Variants in PSMD13 observed in about 807,000 individuals in gnomAD.
The protein encoded by PSMD13 is 26S proteasome non-ATPase regulatory subunit 13.
In PSMD13, 8 loss-of-function variants were observed where a neutral mutation model predicts 57.4. The observed-to-expected ratio is 0.14, with a 90% CI of 0.08 to 0.25. PSMD13 has a LOEUF of 0.25. Ranked by LOEUF, PSMD13 falls within the 10% of genes least tolerant of loss-of-function variation. The pLI is 1.00. For missense variants in PSMD13, 400 were observed against 461.5 expected (o/e 0.87, Z 1.22); for synonymous variants, 193 against 168.2 (o/e 1.15, Z -1.14).
rs1054720370 is a variant in PSMD13, at chr11:242,148, C to A, written c.175-1893C>A. Among the ~76,000 whole-genome samples the A allele has an allele frequency of 4.7e-5, 7 of 149,014 alleles. No individual in the cohort carries two copies. In the Admixed American group the frequency reaches 4.7e-4, roughly 10 times the overall value. On this transcript the variant is annotated intron_variant, in intron 2 of 12. Transcript: ENST00000532097. ...TCTGCCCCTTTTTTTTTCTTTCTTT[C>A]TTTTTGCTCTTAAACTCACTGTATT...
intron 7 of PSMD13, 56 bp downstream of exon 7, chr11:247,504 T>C (rs1859676463): frequency 2.6e-6 from 4 of 1,565,342 alleles, no homozygotes; most frequent in Middle Eastern, 1.7e-4. Context: ...AAACTTAGCA[T>C]CTGTGAGTTG....
chr11:251,999 T>C lies in PSMD13; in HGVS notation c.1035+63T>C. 6.9e-7 allele frequency: 1 copy of C among 1,442,402 alleles called. No homozygotes were observed. Among genetic ancestry groups the C allele is most frequent in the Non-Finnish European group, 9.6e-7 (1 of 1,040,748 alleles). 89.4% of individuals were successfully genotyped at this position (1,442,402 alleles called of 1,614,324 possible). Reference sequence around the variant, plus strand: ...TTTGAGGGGTTGTGTCTATACCGTCTTAGTTTCATTTGGATGGAAGCCATT... The same window carrying C: ...TTTGAGGGGTTGTGTCTATACCGTCCTAGTTTCATTTGGATGGAAGCCATT... On this transcript the variant is annotated intron_variant, in intron 12 of 12. Transcript: ENST00000532097. The surrounding 1 kb of genome is among the most constrained non-coding windows in gnomAD (Gnocchi z 4.6).
In PSMD13 at chr11:251,919, G is replaced by T. The variant is rs761963967; in HGVS notation, c.1018G>T (p.Val340Leu). The change falls in exon 12 of 13, where the codon GTG (valine) becomes TTG (leucine). Residue 340 changes from valine (V) to leucine (L), a missense_variant. Val to Leu is a conservative substitution (Grantham distance 32). Transcript: ENST00000532097. The surrounding 1 kb of genome is among the most constrained non-coding windows in gnomAD (Gnocchi z 4.6). ...CCACATGACCTGGGTGCAGCCCCGAGTGTTGGATTTGCAACAGGTGATGTG... is the reference window on the plus strand; with the variant it reads ...CCACATGACCTGGGTGCAGCCCCGATTGTTGGATTTGCAACAGGTGATGTG... ...RVHMTWVQPR[V>L]LDLQQIKGMK... 6.2e-7 allele frequency: 1 copy of T among 1,613,840 alleles called. No individual in the cohort carries two copies. Among genetic ancestry groups the T allele is most frequent in the Non-Finnish European group, 8.5e-7 (1 of 1,179,714 alleles).
intron 7 of PSMD13, 147 bp downstream of exon 7, chr11:247,595 G>C: frequency 1.2e-6 from 1 of 829,116 alleles, no homozygotes; most frequent in Non-Finnish European, 1.8e-6. Context: ...ACTTTGGAAG[G>C]CTGAAGTGAG....
chr11:245,693 T>TGTGTGTGTG (rs1859628745), intron 6 of PSMD13, among the ~76,000 whole-genome samples: 1 of 86,820 alleles, frequency 1.2e-5, no homozygotes, highest in Non-Finnish European at 2.3e-5. Flanking sequence ...TGCATGTGTG[T>TGTGTGTGTG]TCGTGTGTTT....
rs187327151 is a variant in PSMD13 at position 239,926 on chromosome 11, A to G, written c.174+850A>G. ...AATACATTACTTTTATATGCTCGCA[A>G]TAGAGCTTACCACCTTGCTACCCCA... On this transcript the variant is annotated intron_variant, in intron 2 of 12. Coordinates refer to ENST00000532097, the MANE Select transcript of PSMD13 (RefSeq NM_002817.4). 3.9e-5 allele frequency among the ~76,000 whole-genome samples: 6 copies of G among 152,124 alleles called. No homozygotes were observed. The East Asian group carries it at 1.2e-3, about 29-fold the overall frequency.
intron 6 of PSMD13, among the ~76,000 whole-genome samples, chr11:245,747 A>C (rs2133988402): frequency 7.4e-6 from 1 of 134,544 alleles, no homozygotes; most frequent in Admixed American, 7.7e-5. Flanking sequence ...TGTGTTTGCT[A>C]ATCACAATGT....
intron 1 of PSMD13, among the ~76,000 whole-genome samples, chr11:238,130 T>G (rs1859405197): frequency 6.6e-6 from 1 of 152,252 alleles, no homozygotes; most frequent in Non-Finnish European, 1.5e-5. Flanking sequence ...TATGTCACTG[T>G]CCCTGAGGTT....
At position 252,601 on chromosome 11, in the gene PSMD13, G is replaced by A. The variant is rs1859788729; in HGVS notation, c.*1G>A. On this transcript the variant is annotated 3_prime_UTR_variant, in exon 13 of 13. Transcript: ENST00000532097. This position sits in a 1 kb window ranked among gnomAD's most constrained non-coding sequence, Gnocchi z 4.1. ...CCAGGCCCATGACATCCTCACCTAG[G>A]GCCCCCTGGTTCCCCGTCGTGTCTC... 6.2e-7 allele frequency: 1 copy of A among 1,614,068 alleles called. No individual in the cohort carries two copies. The highest frequency in any genetic ancestry group is 8.5e-7 in the Non-Finnish European group (1 of 1,179,972).
At chr11:247,142 A>C (rs1372860946) in intron 6 of PSMD13, 135 bp from the exon 7 acceptor site, 1 of 772,984 alleles carries the variant, frequency 1.3e-6, no homozygotes, top group East Asian at 2.9e-5. Flanking sequence ...CAGCTACTAC[A>C]GAGGCTGAGG....
At position 252,924 on chromosome 11, in the gene PSMD13, G is replaced by A. The variant is rs368198844; in HGVS notation, c.*324G>A. 3.2e-5 allele frequency: 8 copies of A among 247,358 alleles called. No individual in the cohort carries two copies. The highest frequency in any genetic ancestry group is 9.6e-5 in the Admixed American group (2 of 20,752). 15.3% of individuals were successfully genotyped at this position (247,358 alleles called of 1,614,324 possible). On this transcript the variant is annotated 3_prime_UTR_variant, in exon 13 of 13. Transcript: ENST00000532097. This position sits in a 1 kb window ranked among gnomAD's most constrained non-coding sequence, Gnocchi z 4.1. The stretch of plus-strand genomic sequence containing the variant: ...GATCTCCATCCCCATCCACCTGTAC[G>A]GACATCTTTTCCGTTGCGGTTTGAG...
chr11:238,934 C>G, intron 1 of PSMD13, 64 bp from the exon 2 acceptor site: 1 of 1,418,414 alleles, frequency 7.1e-7, no homozygotes, highest in Non-Finnish European at 1.0e-6. Context: ...ATAGAATCAT[C>G]AAGGCTGGAG....
chr11:239,640 G>C (rs2133982804), intron 2 of PSMD13, among the ~76,000 whole-genome samples: 1 of 152,214 alleles, frequency 6.6e-6, no homozygotes, highest in South Asian at 2.1e-4. Context: ...ATTGGAGGGA[G>C]AGTCCTGTAT....
chr11:238,555 C>G (rs908442583), intron 1 of PSMD13, among the ~76,000 whole-genome samples: 2 of 152,146 alleles, frequency 1.3e-5, no homozygotes, highest in African/African-American at 4.8e-5. Context: ...CCTGTAATCC[C>G]TGCTACTCGG....
chr11:250,634 C>A, intron 9 of PSMD13, 169 bp from the exon 10 acceptor site: 1 of 591,076 alleles, frequency 1.7e-6, no homozygotes, highest in Admixed American at 2.8e-5. Flanking sequence ...GAATGAAGCT[C>A]AGATCACTTG....
chr11:252,355 C>G lies in PSMD13; in HGVS notation c.1036-150C>G. 1.4e-6 allele frequency: 1 copy of G among 691,532 alleles called. No individual in the cohort carries two copies. The highest frequency in any genetic ancestry group is 2.5e-6 in the Non-Finnish European group (1 of 393,302). 42.8% of individuals were successfully genotyped at this position (691,532 alleles called of 1,614,324 possible). The stretch of plus-strand genomic sequence containing the variant: ...AAGAATTAACCCGGCAAGTCCCGTC[C>G]CACTCCCCCAGCTCAGAGGTCCTTT... On this transcript the variant is annotated intron_variant, in intron 12 of 12. Coordinates refer to ENST00000532097, the MANE Select transcript of PSMD13 (RefSeq NM_002817.4). The surrounding 1 kb of genome is among the most constrained non-coding windows in gnomAD (Gnocchi z 4.1).
At chr11:250,421 G>A (rs1313058688) in intron 9 of PSMD13, among the ~76,000 whole-genome samples, 2 of 152,190 alleles carry the variant, frequency 1.3e-5, no homozygotes, top group Non-Finnish European at 2.9e-5. Flanking sequence ...TCACTGAGCC[G>A]GCAGCAGCCC....
intron 6 of PSMD13, among the ~76,000 whole-genome samples, chr11:245,480 A>G (rs542287153): frequency 6.6e-6 from 1 of 152,250 alleles, no homozygotes; most frequent in Admixed American, 6.5e-5. Flanking sequence ...GTCACGTGCT[A>G]TTTCTCCATC....
chr11:241,475 G>T (rs1859514647), intron 2 of PSMD13, among the ~76,000 whole-genome samples: 1 of 152,186 alleles, frequency 6.6e-6, no homozygotes, highest in Non-Finnish European at 1.5e-5. Context: ...TTTCTTGTGT[G>T]CCTGATTGGA....
Sources: gnomAD v4.1 joint callset for allele counts (sites outside exome capture counted in the v4.1 genomes callset) on GRCh38, gnomAD v4.1.1 for gene constraint, Gnocchi (gnomAD v3.1) non-coding constraint, MANE v1.5 for transcripts, NCBI Gene and HGNC (gene_info 2026-07-23, HGNC 2026-07-21) for gene names.